BDH1: variants seen among roughly 807,000 people sequenced by gnomAD.
BDH1 encodes 3-hydroxybutyrate dehydrogenase 1, also known as D-beta-hydroxybutyrate dehydrogenase, mitochondrial.
A neutral mutation model predicts 33.1 loss-of-function variants in BDH1; 30 were observed. The observed-to-expected ratio is 0.91, with a 90% CI of 0.68 to 1.23. BDH1 has a LOEUF of 1.23. Ranked by LOEUF, BDH1 falls within the 50% of genes most tolerant of loss-of-function variation. The probability of loss-of-function intolerance (pLI) is 0.00; values close to 1 mark genes in which losing one functional copy is unlikely to be tolerated. For synonymous variants in BDH1, 190 were observed against 183.6 expected (o/e 1.03, Z -0.28); for missense variants, 443 against 464.4 (o/e 0.95, Z 0.42).
At chr3:197,568,170 G>C (rs146391333) in intron 1 of BDH1, among the ~76,000 whole-genome samples, 461 of 152,326 alleles carry the variant, frequency 3.0e-3, no homozygotes, top group Non-Finnish European at 5.4e-3. Flanking sequence ...CACAGAGCCA[G>C]CGTGCAGCCT....
In BDH1 at chr3:197,554,559, G is replaced by C. The variant is rs1716840298; in HGVS notation, c.-44+3C>G. ...CGCCTCTTGTAGAAAGAAGGACACT[G>C]ACCAGGACATTTGCAGCGTCACAAA... is the stretch of plus-strand genomic sequence containing the variant. On this transcript the variant is annotated splice_donor_region_variant and intron_variant, in intron 2 of 7. Coordinates refer to ENST00000392379, the MANE Select transcript of BDH1 (RefSeq NM_203314.3). The surrounding 1 kb of genome is among the most constrained non-coding windows in gnomAD (Gnocchi z 4.4). 1 of 152,242 alleles carries C rather than the reference G, an allele frequency of 6.6e-6. No homozygotes were observed. Among genetic ancestry groups the C allele is most frequent in the Non-Finnish European group, 1.5e-5 (1 of 68,064 alleles). The allele number at this position is 152,242 out of a possible 1,614,324, so 9.4% of individuals were successfully genotyped here. A position where few individuals can be genotyped will look rare whatever the true frequency, so the allele number is the denominator to read the frequency against.
chr3:197,568,199 G>A (rs1416528131), intron 1 of BDH1, among the ~76,000 whole-genome samples: 2 of 152,142 alleles, frequency 1.3e-5, no homozygotes, highest in Non-Finnish European at 2.9e-5. Flanking sequence ...GAGTTCTGCT[G>A]GGCGATAGGG....
At position 197,512,323 on chromosome 3, in the gene BDH1, T is replaced by C; in HGVS notation, c.604A>G (p.Asn202Asp). The C allele has an allele frequency of 6.2e-7, 1 of 1,610,832 alleles. No individual in the cohort carries two copies. The highest frequency in any genetic ancestry group is 8.5e-7 in the Non-Finnish European group (1 of 1,179,932). ...NISSMLGRMA[N>D]PARSPYCITK... is the part of the protein sequence containing the mutation. ...ATGCAGTACGGGGAGCGGGCCGGGTTGGCCATGCGGCCCAGCATGCTGCTG... is the reference window on the plus strand; with the variant it reads ...ATGCAGTACGGGGAGCGGGCCGGGTCGGCCATGCGGCCCAGCATGCTGCTG... Residue 202 changes from asparagine to aspartate, a missense_variant, in exon 8 of 8, where the codon AAC becomes GAC. Coordinates refer to ENST00000392379, the MANE Select transcript of BDH1 (RefSeq NM_203314.3).
At chr3:197,546,591 G>C in intron 2 of BDH1, 105 bp from the exon 3 acceptor site, 1 of 707,630 alleles carries the variant, frequency 1.4e-6, no homozygotes, top group Middle Eastern at 2.8e-4. Flanking sequence ...GGCTGCATCT[G>C]TTCCACCCAG....
intron 5 of BDH1, among the ~76,000 whole-genome samples, chr3:197,531,957 A>C (rs1714702719): frequency 6.6e-6 from 1 of 151,910 alleles, no homozygotes; most frequent in East Asian, 1.9e-4. Flanking sequence ...AGTGTTATTT[A>C]CTCGCCATGG....
At chr3:197,536,261 T>C (rs1715145059) in intron 3 of BDH1, among the ~76,000 whole-genome samples, 1 of 152,222 alleles carries the variant, frequency 6.6e-6, no homozygotes, top group Admixed American at 6.5e-5. Context: ...GATTTTCTAT[T>C]TTGATTCATT....
At position 197,516,607 on chromosome 3, in the gene BDH1, C is replaced by G. The variant is rs1712757661; in HGVS notation, c.410-2191G>C. On this transcript the variant is annotated intron_variant, in intron 6 of 7. Coordinates refer to ENST00000392379, the MANE Select transcript of BDH1 (RefSeq NM_203314.3). This position sits in a 1 kb window ranked among gnomAD's most constrained non-coding sequence, Gnocchi z 4.2. ...TCCTTGGGAGTCACGGCTCTCTCTC[C>G]TCATCCCATCTCCTGTCTCGCTTCC... 6.6e-6 allele frequency among the ~76,000 whole-genome samples: 1 copy of G among 152,110 alleles called. No individual in the cohort carries two copies. Among genetic ancestry groups the G allele is most frequent in the Non-Finnish European group, 1.5e-5 (1 of 68,014 alleles).
intron 3 of BDH1, among the ~76,000 whole-genome samples, chr3:197,534,797 T>A (rs948424182): frequency 6.6e-6 from 1 of 152,256 alleles, no homozygotes; most frequent in Non-Finnish European, 1.5e-5. Flanking sequence ...GATATTTCGC[T>A]GTGGTTTTAA....
intron 4 of BDH1, among the ~76,000 whole-genome samples, chr3:197,533,232 C>G: frequency 6.6e-6 from 1 of 152,086 alleles, no homozygotes; most frequent in South Asian, 2.1e-4. Context: ...GAGTTCTCGC[C>G]CCCCACCTAG....
At chr3:197,543,261 C>G in intron 3 of BDH1, 1 of 829,206 alleles carries the variant, frequency 1.2e-6, no homozygotes, top group South Asian at 5.5e-5. Flanking sequence ...AAAAATTTAG[C>G]CTGTTTGACC....
intron 1 of BDH1, among the ~76,000 whole-genome samples, chr3:197,568,052 C>G (rs770378109): frequency 1.3e-5 from 2 of 152,128 alleles, no homozygotes; most frequent in Non-Finnish European, 2.9e-5. Context: ...TGGCCCTGCC[C>G]GGGGTCTGAA....
intron 1 of BDH1, among the ~76,000 whole-genome samples, chr3:197,568,369 C>T (rs1030518470): frequency 1.3e-5 from 2 of 151,586 alleles, no homozygotes; most frequent in Non-Finnish European, 2.9e-5. Flanking sequence ...CTGGAATTGA[C>T]AGCAAAGGAA....
At chr3:197,542,920 AGAGG>A in intron 3 of BDH1, 1 of 906,442 alleles carries the variant, frequency 1.1e-6, no homozygotes, top group Non-Finnish European at 1.3e-6. Flanking sequence ...GAACAGAATG[AGAGG>A]GAGGAAGTGG....
chr3:197,561,807 C>T (rs1717269677), intron 1 of BDH1, among the ~76,000 whole-genome samples: 1 of 152,134 alleles, frequency 6.6e-6, no homozygotes, highest in Non-Finnish European at 1.5e-5. Flanking sequence ...ACAACAAAAA[C>T]ATGCACTTGC....
At chr3:197,546,877 G>A (rs928978679) in intron 2 of BDH1, among the ~76,000 whole-genome samples, 9 of 152,148 alleles carry the variant, frequency 5.9e-5, no homozygotes, top group African/African-American at 1.9e-4. Flanking sequence ...CCTCTAACCT[G>A]CTGAAACACC....
chr3:197,540,847 C>T (rs1715552281), intron 3 of BDH1, among the ~76,000 whole-genome samples: 1 of 152,132 alleles, frequency 6.6e-6, no homozygotes, highest in African/African-American at 2.4e-5. Flanking sequence ...CAGTCAATGG[C>T]GCATTTCTAC....
At chr3:197,532,650 T>C (rs1272178673) in intron 4 of BDH1, 128 bp from the exon 5 acceptor site, 2 of 651,532 alleles carry the variant, frequency 3.1e-6, no homozygotes, top group Non-Finnish European at 5.5e-6. Flanking sequence ...CTCCCTACCT[T>C]GTTCTTGTTG....
intron 6 of BDH1, chr3:197,515,571 T>C (rs1470022375): frequency 2.0e-6 from 2 of 985,484 alleles, no homozygotes; most frequent in African/African-American, 1.7e-5. Context: ...TTTCAGCTTT[T>C]CCACTGCCCA....
At chr3:197,555,201 G>A (rs914442451) in intron 1 of BDH1, 5 of 153,434 alleles carry the variant, frequency 3.3e-5, no homozygotes, top group African/African-American at 1.2e-4. Context: ...CTGTGGCGCG[G>A]AGGGAGGACT....
Sources: gnomAD v4.1 joint callset for allele counts (sites outside exome capture counted in the v4.1 genomes callset) on GRCh38, gnomAD v4.1.1 for gene constraint, Gnocchi (gnomAD v3.1) non-coding constraint, MANE v1.5 for transcripts, NCBI Gene and HGNC (gene_info 2026-07-23, HGNC 2026-07-21) for gene names.